The following SHC3 variants were observed in gnomAD, a reference collection of about 807,000 sequenced individuals.
The protein encoded by SHC3 is SHC adaptor protein 3.
A neutral mutation model predicts 60.4 loss-of-function variants in SHC3; 15 were observed. The observed-to-expected ratio is 0.25, with a 90% confidence interval of 0.17 to 0.38. The LOEUF is 0.38. SHC3 is among the 10% of genes least tolerant of loss of function. The probability of loss-of-function intolerance (pLI) is 1.00; values close to 1 mark genes in which losing one functional copy is unlikely to be tolerated. For missense variants in SHC3, 677 were observed against 786.1 expected (o/e 0.86, Z 1.66); for synonymous variants, 294 against 325.9 (o/e 0.90, Z 1.05).
intron 1 of SHC3, among the ~76,000 whole-genome samples, chr9:89,135,550 T>G (rs1322490214): frequency 6.6e-6 from 1 of 152,162 alleles, no homozygotes; most frequent in Non-Finnish European, 1.5e-5. Context: ...AGGCTTATTT[T>G]TGCAAACAAA....
At chr9:89,086,360 G>A (rs1825529736) in intron 2 of SHC3, among the ~76,000 whole-genome samples, 1 of 152,182 alleles carries the variant, frequency 6.6e-6, no homozygotes, top group Non-Finnish European at 1.5e-5. Flanking sequence ...CCCAGCTTGG[G>A]TTCAATTAAT....
intron 4 of SHC3, among the ~76,000 whole-genome samples, chr9:89,072,077 A>T (rs1825283181): frequency 6.6e-6 from 1 of 152,144 alleles, no homozygotes; most frequent in Non-Finnish European, 1.5e-5. Flanking sequence ...GATTAAGTAT[A>T]CTCTTATGTA....
At chr9:89,157,176 T>C (rs1208071582) in intron 1 of SHC3, among the ~76,000 whole-genome samples, 1 of 152,196 alleles carries the variant, frequency 6.6e-6, no homozygotes, top group African/African-American at 2.4e-5. Flanking sequence ...CCTACTGCAC[T>C]GGGTGAGTGG....
intron 2 of SHC3, among the ~76,000 whole-genome samples, chr9:89,096,672 GA>G (rs1158748713): frequency 6.6e-6 from 1 of 152,134 alleles, no homozygotes; most frequent in Non-Finnish European, 1.5e-5. Context: ...TATTTCTAAA[GA>G]ATGTAGGTTA....
intron 1 of SHC3, among the ~76,000 whole-genome samples, chr9:89,146,432 T>A (rs1826470936): frequency 6.6e-6 from 1 of 151,112 alleles, no homozygotes; most frequent in African/African-American, 2.4e-5. Context: ...ACTGAGGCTG[T>A]ACTCAAGCAA....
At chr9:89,028,304 C>G (rs1364061490) in intron 11 of SHC3, among the ~76,000 whole-genome samples, 1 of 151,970 alleles carries the variant, frequency 6.6e-6, no homozygotes, top group Non-Finnish European at 1.5e-5. Context: ...AGAACAACCC[C>G]AGGAAAATCC....
intron 6 of SHC3, among the ~76,000 whole-genome samples, chr9:89,055,278 C>T (rs1030050208): frequency 1.3e-5 from 2 of 152,270 alleles, no homozygotes; most frequent in African/African-American, 4.8e-5. Flanking sequence ...CTAGTAGCTG[C>T]TCCCGGCTTG....
intron 1 of SHC3, among the ~76,000 whole-genome samples, chr9:89,140,398 A>T (rs944005963): frequency 4.6e-5 from 7 of 151,968 alleles, no homozygotes; most frequent in African/African-American, 1.7e-4. Context: ...AGAAGGAATC[A>T]GCCCCTCCCC....
intron 2 of SHC3, among the ~76,000 whole-genome samples, chr9:89,105,728 A>G (rs1467326496): frequency 6.6e-6 from 1 of 152,206 alleles, no homozygotes; most frequent in Non-Finnish European, 1.5e-5. Context: ...CCTCATCATC[A>G]TCATTAGAAT....
At chr9:89,077,487 C>T (rs1042397585) in intron 3 of SHC3, among the ~76,000 whole-genome samples, 2 of 152,196 alleles carry the variant, frequency 1.3e-5, no homozygotes, top group Non-Finnish European at 2.9e-5. Flanking sequence ...TAAACATTTA[C>T]CAGCACACCA....
intron 1 of SHC3, among the ~76,000 whole-genome samples, chr9:89,159,339 C>T (rs1826671085): frequency 6.6e-6 from 1 of 152,058 alleles, no homozygotes; most frequent in Non-Finnish European, 1.5e-5. Context: ...AATTTACAAA[C>T]CAGAATGTAA....
At chr9:89,155,022 G>C (rs1348786662) in intron 1 of SHC3, among the ~76,000 whole-genome samples, 1 of 152,176 alleles carries the variant, frequency 6.6e-6, no homozygotes. Flanking sequence ...CACTAAGCTG[G>C]CTGCTCAGTC....
intron 1 of SHC3, among the ~76,000 whole-genome samples, chr9:89,133,029 C>T (rs1199526615): frequency 1.3e-5 from 2 of 152,242 alleles, no homozygotes; most frequent in South Asian, 2.1e-4. Flanking sequence ...GGGCTAATAT[C>T]CAGAATCTAC....
rs147844092 is a variant in SHC3 at position 89,037,012 on chromosome 9, TGAGG to T, written c.1656+977_1656+980del. The stretch of plus-strand genomic sequence containing the variant: ...ATTGGAAGGAGATAGGTTACATTCA[TGAGG>T]AAGTGGCTGTCTCCGCGGAAGGGAA... On this transcript the variant is annotated intron_variant, in intron 11 of 11. Transcript: ENST00000375835. Among the ~76,000 whole-genome samples, 3 of 148,440 alleles carry T rather than the reference TGAGG, an allele frequency of 2.0e-5. No homozygotes were observed. The East Asian group carries it at 5.9e-4, about 29-fold the overall frequency.
chr9:89,072,126 T>G (rs947964177), intron 4 of SHC3, among the ~76,000 whole-genome samples: 1 of 152,238 alleles, frequency 6.6e-6, no homozygotes. Flanking sequence ...GTGGCTTCAG[T>G]CTGTGTGCCC....
intron 11 of SHC3, among the ~76,000 whole-genome samples, chr9:89,031,942 C>T (rs143682890): frequency 3.3e-4 from 51 of 152,274 alleles, no homozygotes; most frequent in Non-Finnish European, 5.6e-4. Flanking sequence ...ATGTGAGTCC[C>T]CTCCACAGCA....
intron 1 of SHC3, among the ~76,000 whole-genome samples, chr9:89,160,886 T>G (rs1159390694): frequency 6.6e-6 from 1 of 152,200 alleles, no homozygotes; most frequent in Non-Finnish European, 1.5e-5. Context: ...CCAAGGAATT[T>G]ACTAATAGAA....
chr9:89,045,955 C>G, intron 8 of SHC3, 122 bp from the exon 9 acceptor site: 1 of 852,390 alleles, frequency 1.2e-6, no homozygotes, highest in African/African-American at 1.7e-5. Flanking sequence ...CTGTTACACC[C>G]AATTTTCCCT....
chr9:89,038,793 T>A (rs921021147), intron 10 of SHC3, among the ~76,000 whole-genome samples: 16 of 152,220 alleles, frequency 1.1e-4, no homozygotes, highest in Admixed American at 3.3e-4. Context: ...ATCAGGCAAA[T>A]TTTTAAAAGA....
Sources: allele counts gnomAD v4.1 joint callset (sites outside exome capture counted in the v4.1 genomes callset), GRCh38; gene constraint gnomAD v4.1.1; transcripts MANE v1.5; gene names NCBI Gene and HGNC (gene_info 2026-07-23, HGNC 2026-07-21).